FBXL7: variants seen among roughly 807,000 people sequenced by gnomAD.
FBXL7 encodes F-box/LRR-repeat protein 7.
FBXL7 carries 12 observed loss-of-function variants against 38.3 expected under a neutral mutation model. The ratio of observed to expected loss-of-function variants is 0.31; its 90% CI spans 0.20 to 0.51. FBXL7 has a LOEUF of 0.51. Ranked by LOEUF, FBXL7 falls within the 20% of genes least tolerant of loss-of-function variation. FBXL7 has a pLI of 0.98. For synonymous variants in FBXL7, 297 were observed against 300.9 expected, an observed-to-expected ratio of 0.99 and a Z score of 0.13; for missense variants, 567 against 676.4, an observed-to-expected ratio of 0.84 and a Z score of 1.79.
intron 2 of FBXL7, among the ~76,000 whole-genome samples, chr5:15,656,247 A>T (rs1242108270): frequency 6.6e-6 from 1 of 152,244 alleles, no homozygotes; most frequent in Non-Finnish European, 1.5e-5. Context: ...TTGTGAATGC[A>T]TGGTGTCATG....
chr5:15,615,781 T>C (rs1342744978), intron 1 of FBXL7, among the ~76,000 whole-genome samples: 1 of 152,222 alleles, frequency 6.6e-6, no homozygotes, highest in African/African-American at 2.4e-5. Flanking sequence ...AAGAAGACTT[T>C]AGTTCTCCTA....
chr5:15,832,652 T>G (rs529429136), intron 2 of FBXL7, among the ~76,000 whole-genome samples: 1 of 152,262 alleles, frequency 6.6e-6, no homozygotes, highest in Non-Finnish European at 1.5e-5. Flanking sequence ...ACATTGAGTT[T>G]GTAGAAACTC....
chr5:15,598,707 GAA>G (rs2126490248), intron 1 of FBXL7, among the ~76,000 whole-genome samples: 1 of 152,276 alleles, frequency 6.6e-6, no homozygotes, highest in South Asian at 2.1e-4. Flanking sequence ...CAGAGAGAGA[GAA>G]AGAGAGCACG....
At chr5:15,575,929 C>A (rs886953938) in intron 1 of FBXL7, among the ~76,000 whole-genome samples, 4 of 152,146 alleles carry the variant, frequency 2.6e-5, no homozygotes, top group Admixed American at 6.6e-5. Context: ...AATTGACATT[C>A]CTGGCCTTCA....
At chr5:15,775,346 TG>T (rs1313917297) in intron 2 of FBXL7, among the ~76,000 whole-genome samples, 2 of 152,084 alleles carry the variant, frequency 1.3e-5, no homozygotes, top group African/African-American at 4.8e-5. Flanking sequence ...GTCATGTTTT[TG>T]GAAGTTAGTG....
chr5:15,680,667 G>A (rs376436551), intron 2 of FBXL7, among the ~76,000 whole-genome samples: 5 of 152,290 alleles, frequency 3.3e-5, no homozygotes, highest in Admixed American at 6.5e-5. Flanking sequence ...GCCCAGTTAC[G>A]TCATGAGTGT....
intron 2 of FBXL7, among the ~76,000 whole-genome samples, chr5:15,854,826 G>A (rs542719495): frequency 6.6e-6 from 1 of 152,066 alleles, no homozygotes; most frequent in East Asian, 1.9e-4. Flanking sequence ...GCATTTGATG[G>A]TTATTCCCTT....
At chr5:15,635,765 G>T (rs10520820) in intron 2 of FBXL7, among the ~76,000 whole-genome samples, 24,403 of 152,158 alleles carry the variant, frequency 0.16, 2,055 homozygotes, top group Non-Finnish European at 0.18. Flanking sequence ...AGCCAACACG[G>T]TACTTTGAGA....
intron 2 of FBXL7, among the ~76,000 whole-genome samples, chr5:15,747,832 T>C (rs1736053559): frequency 6.6e-6 from 1 of 152,192 alleles, no homozygotes; most frequent in African/African-American, 2.4e-5. Context: ...TTGTCTCTGC[T>C]CATCCCTCCA....
At chr5:15,917,584 G>T (rs1741617861) in intron 2 of FBXL7, among the ~76,000 whole-genome samples, 1 of 151,018 alleles carries the variant, frequency 6.6e-6, no homozygotes, top group African/African-American at 2.4e-5. Context: ...CTCCAGCCTG[G>T]GTGACAGAGT....
At chr5:15,786,390 T>G (rs1398136129) in intron 2 of FBXL7, among the ~76,000 whole-genome samples, 2 of 152,168 alleles carry the variant, frequency 1.3e-5, no homozygotes, top group Non-Finnish European at 2.9e-5. Flanking sequence ...CTGCCTGGAT[T>G]TCACTTAAGA....
chr5:15,572,052 G>A (rs1196154290), intron 1 of FBXL7, among the ~76,000 whole-genome samples: 1 of 152,030 alleles, frequency 6.6e-6, no homozygotes, highest in East Asian at 1.9e-4. Flanking sequence ...ATTTAATTTT[G>A]TAAAAGACAT....
At chr5:15,665,064 G>A (rs1315099324) in intron 2 of FBXL7, among the ~76,000 whole-genome samples, 1 of 151,998 alleles carries the variant, frequency 6.6e-6, no homozygotes, top group Non-Finnish European at 1.5e-5. Context: ...TCTTCAGTAT[G>A]TTGAGGTACT....
chr5:15,742,323 G>A (rs988417239), intron 2 of FBXL7, among the ~76,000 whole-genome samples: 6 of 152,154 alleles, frequency 3.9e-5, no homozygotes, highest in African/African-American at 1.4e-4. Flanking sequence ...TCTCTAACAA[G>A]GAGGATGCAA....
chr5:15,766,615 G>A (rs1046797614), intron 2 of FBXL7, among the ~76,000 whole-genome samples: 1 of 152,082 alleles, frequency 6.6e-6, no homozygotes, highest in East Asian at 1.9e-4. Context: ...TGATTGTTTC[G>A]AAATAAAACT....
At chr5:15,914,867 C>G (rs979679439) in intron 2 of FBXL7, among the ~76,000 whole-genome samples, 1 of 152,154 alleles carries the variant, frequency 6.6e-6, no homozygotes, top group Non-Finnish European at 1.5e-5. Flanking sequence ...CTCCTGGCCT[C>G]GAAGTGCTCA....
At chr5:15,607,712 AGT>A (rs1740077548) in intron 1 of FBXL7, among the ~76,000 whole-genome samples, 1 of 152,244 alleles carries the variant, frequency 6.6e-6, no homozygotes, top group Admixed American at 6.5e-5. Context: ...CTGAGTTAAT[AGT>A]GTGTCCCATT....
At chr5:15,747,735 A>G (rs1236027947) in intron 2 of FBXL7, among the ~76,000 whole-genome samples, 1 of 152,162 alleles carries the variant, frequency 6.6e-6, no homozygotes, top group African/African-American at 2.4e-5. Context: ...GTAGAGCCAT[A>G]AGGGAATCGT....
chr5:15,692,795 C>G (rs1379230203), intron 2 of FBXL7, among the ~76,000 whole-genome samples: 2 of 152,178 alleles, frequency 1.3e-5, no homozygotes, highest in Non-Finnish European at 2.9e-5. Context: ...GAAGTCTGCT[C>G]TCAGCCATCC....
Sources: gnomAD v4.1 joint callset for allele counts (sites outside exome capture counted in the v4.1 genomes callset) on GRCh38, gnomAD v4.1.1 for gene constraint, MANE v1.5 for transcripts, NCBI Gene and HGNC (gene_info 2026-07-23, HGNC 2026-07-21) for gene names.